Variants in FAT2 observed in about 807,000 individuals in gnomAD.
FAT2 encodes FAT atypical cadherin 2.
Under a neutral mutation model 295.3 loss-of-function variants are expected in FAT2, and 150 were observed. The ratio of observed to expected loss-of-function variants is 0.51; its 90% confidence interval spans 0.44 to 0.58. The LOEUF (loss-of-function observed/expected upper bound fraction) is 0.58. Ranked by LOEUF, FAT2 falls within the 20% of genes least tolerant of loss-of-function variation. FAT2 has a pLI of 0.00. For synonymous variants in FAT2, 2,026 were observed against 2,150.3 expected, an observed-to-expected ratio of 0.94 and a Z score of 1.60; for missense variants, 4,868 against 5,442.7, an observed-to-expected ratio of 0.89 and a Z score of 3.32.
chr5:151,541,274 G>A (rs2127603748), intron 10 of FAT2, among the ~76,000 whole-genome samples: 1 of 152,226 alleles, frequency 6.6e-6, no homozygotes, highest in Admixed American at 6.5e-5. Context: ...GTGGGAATAT[G>A]GATTTCTCAC....
In FAT2 at chr5:151,567,063, G is replaced by T. The variant is rs1157273153; in HGVS notation, c.1869C>A (p.Arg623=). 6.2e-7 allele frequency: 1 copy of T among 1,613,954 alleles called. No individual in the cohort carries two copies. Among genetic ancestry groups the T allele is most frequent in the African/African-American group, 1.3e-5 (1 of 74,916 alleles). ...GACCAGCAGTAAGATTGATAAAAGG[G>T]CGTTTGAGGGATATCACTCCGGAGA... is the stretch of plus-strand genomic sequence containing the variant. ...NHFSGVISLK[R]PFINLTAGQP... The change falls in exon 2 of 24, where the codon CGC becomes CGA. Residue 623 remains arginine, a synonymous_variant. Transcript: ENST00000261800.
intron 1 of FAT2, among the ~76,000 whole-genome samples, chr5:151,588,385 T>TC (rs1383140277): frequency 6.6e-6 from 1 of 152,154 alleles, no homozygotes; most frequent in African/African-American, 2.4e-5. Context: ...GGTCTGGTTT[T>TC]CCCCACTGCT....
intron 21 of FAT2, 193 bp downstream of exon 21, chr5:151,511,972 G>A (rs1761358177): frequency 8.4e-6 from 5 of 598,612 alleles, no homozygotes; most frequent in Non-Finnish European, 1.5e-5. Flanking sequence ...GATAGTTTTT[G>A]TTGAGAGGGA....
Position 151,560,543 on chromosome 5 carries a change from C to G in FAT2, c.3574+2782G>C, listed in dbSNP as rs12055366. Among the ~76,000 whole-genome samples the G allele has an allele frequency of 0.028, 4,302 of 152,274 alleles. 273 individuals are homozygous for G. In the East Asian group the frequency reaches 0.29, roughly 10 times the overall value. ...AAAATCCTCCCACCCTCCAGCTCAG[C>G]ATAACCACCCCTGTTCCATGAAGCC... On this transcript the variant is annotated intron_variant, in intron 3 of 23. Coordinates refer to ENST00000261800, the MANE Select transcript of FAT2 (RefSeq NM_001447.3).
intron 4 of FAT2, among the ~76,000 whole-genome samples, chr5:151,555,433 C>T (rs1009455830): frequency 1.7e-4 from 25 of 147,598 alleles, no homozygotes; most frequent in Admixed American, 1.2e-3. Context: ...TTCAGTGGCA[C>T]GATCTCAGCT....
At chr5:151,527,048 G>A (rs1457499094) in intron 17 of FAT2, among the ~76,000 whole-genome samples, 186 bp downstream of exon 17, 1 of 152,208 alleles carries the variant, frequency 6.6e-6, no homozygotes, top group African/African-American at 2.4e-5. Context: ...ATATGAAAGT[G>A]CCTAACACAG....
intron 19 of FAT2, among the ~76,000 whole-genome samples, chr5:151,519,382 C>T (rs1301489416): frequency 3.9e-5 from 6 of 152,136 alleles, no homozygotes; most frequent in African/African-American, 1.4e-4. Context: ...CCAAAATTCC[C>T]TGACACTGGC....
At chr5:151,537,020 A>G (rs1273878045) in intron 12 of FAT2, among the ~76,000 whole-genome samples, 1 of 152,164 alleles carries the variant, frequency 6.6e-6, no homozygotes, top group Non-Finnish European at 1.5e-5. Context: ...ACCCCTGGCT[A>G]ACACTTCTGT....
rs1278802569 is a variant in FAT2 at position 151,568,827 on chromosome 5, G to T, written c.105C>A (p.His35Gln). Residue 35 changes from histidine to glutamine, a missense_variant, in exon 2 of 24, where the codon CAC (histidine) becomes CAA (glutamine). This residue lies in a region of FAT2 where 3,297 missense variants were observed against 3,669.4 expected (regional missense o/e 0.90). Coordinates refer to ENST00000261800, the MANE Select transcript of FAT2 (RefSeq NM_001447.3). ...CATAGATGGTGGCATTGTAATGGGA[G>T]TGTGTGAAGTGCCAAGCAGAGGAGG... ...ILSSSAWHFT[H>Q]SHYNATIYEN... is the part of the protein sequence containing the mutation. The T allele has an allele frequency of 1.2e-6, 2 of 1,614,008 alleles. No homozygotes were observed. The highest frequency in any genetic ancestry group is 2.7e-5 in the African/African-American group (2 of 74,894).
chr5:151,550,032 G>A (rs1757035778), intron 8 of FAT2, among the ~76,000 whole-genome samples: 1 of 152,180 alleles, frequency 6.6e-6, no homozygotes, highest in East Asian at 1.9e-4. Flanking sequence ...TGACAGTGAG[G>A]AAGTCTGTCT....
At position 151,550,776 on chromosome 5, in the gene FAT2, C is replaced by T. The variant is rs576036822; in HGVS notation, c.4392G>A (p.Gly1464=). Residue 1464 remains glycine, a synonymous_variant, in exon 8 of 24, where the codon GGG becomes GGA. Transcript: ENST00000261800. ...TGGCCTGGACTCGCAGGAGCTCTAC[C>T]CCTGGCACGGTGTCCTGGGGAACTC... ...EVRVPQDTVP[G]VELLRVQAID... is the part of the protein sequence containing the mutation. 6.2e-7 allele frequency: 1 copy of T among 1,614,052 alleles called. No homozygotes were observed. Among genetic ancestry groups the T allele is most frequent in the East Asian group, 2.2e-5 (1 of 44,884 alleles).
upstream of FAT2, among the ~76,000 whole-genome samples, chr5:151,591,788 A>G (rs1399159469): frequency 6.6e-6 from 1 of 152,178 alleles, no homozygotes; most frequent in Non-Finnish European, 1.5e-5. Flanking sequence ...ACTTAGTCTG[A>G]GCCTCAGTTT....
rs1238096534 is a variant in FAT2, at chr5:151,567,611, A to G, written c.1321T>C (p.Ser441Pro). The change falls in exon 2 of 24, where the codon TCC becomes CCC. Residue 441 changes from serine to proline, a missense_variant. Physicochemically the swap from Ser to Pro is moderately conservative, Grantham distance 74. This residue lies in a region of FAT2 where 3,297 missense variants were observed against 3,669.4 expected (regional missense o/e 0.90). Transcript: ENST00000261800. ...ACAATGTCAATGACCACCACGGTGG[A>G]GGCCTGGCCCGGTGAGGTTCTGATG... ...LHIRTSPGQA[S>P]TVVVIDIVDC... 2.8e-5 allele frequency: 45 copies of G among 1,614,036 alleles called. No individual in the cohort carries two copies. Among genetic ancestry groups the G allele is most frequent in the Non-Finnish European group, 3.6e-5 (42 of 1,180,026 alleles).
At position 151,543,011 on chromosome 5, in the gene FAT2, C is replaced by G. The variant is rs536288129; in HGVS notation, c.8116G>C (p.Glu2706Gln). The G allele has an allele frequency of 2.7e-4, 436 of 1,614,252 alleles. 6 individuals are homozygous for G. The South Asian group carries it at 4.4e-3, about 16-fold the overall frequency. Residue 2706 changes from glutamate to glutamine, a missense_variant, in exon 10 of 24, where the codon GAG (glutamate) becomes CAG (glutamine). By Grantham distance (29) the Glu-to-Gln change is conservative. Around this residue, in one of 5 missense-constraint regions of FAT2, gnomAD observed 3,297 missense variants for 3,669.4 expected, o/e 0.90. Transcript: ENST00000261800. ...TTAACAATCCCAATTTCAGACCCCT[C>G]TGGAAGGTCTTCAGGTGCAGAGAAA... ...YTFSAPEDLP[E>Q]GSEIGIVKAV...
At position 151,507,549 on chromosome 5, in the gene FAT2, C is replaced by T; in HGVS notation, c.12122G>A (p.Arg4041Lys). Residue 4041 changes from arginine to lysine, a missense_variant, in exon 23 of 24, where the codon AGG becomes AAG. By Grantham distance (26) the Arg-to-Lys change is conservative. Transcript: ENST00000261800. ...GHCLVTPEIQ[R>K]GDWGQQELLI... is the part of the protein sequence containing the mutation. The stretch of plus-strand genomic sequence containing the variant: ...TAACTCCTGCTGCCCCCAGTCCCCC[C>T]TTTGGATCTCGGGAGTGACTAGGCA... 6.2e-7 allele frequency: 1 copy of T among 1,614,156 alleles called. No individual in the cohort carries two copies. Among genetic ancestry groups the T allele is most frequent in the Non-Finnish European group, 8.5e-7 (1 of 1,180,024 alleles).
intron 6 of FAT2, 53 bp downstream of exon 6, chr5:151,553,124 G>A (rs2127626351): frequency 2.6e-6 from 4 of 1,545,566 alleles, no homozygotes; most frequent in Admixed American, 1.7e-5. Flanking sequence ...ACTAGAGCTG[G>A]TGTATAAGGA....
chr5:151,542,540 G>C lies in FAT2; in HGVS notation c.8587C>G (p.Leu2863Val), dbSNP rs2127605585. Residue 2863 changes from leucine (L) to valine (V), a missense_variant, in exon 10 of 24, where the codon CTT becomes GTT. By Grantham distance (32) the Leu-to-Val change is conservative. Coordinates refer to ENST00000261800, the MANE Select transcript of FAT2 (RefSeq NM_001447.3). Reference sequence around the variant, plus strand: ...TAAGTCTGGCAGGTCTCACAGTCAAGTTCCTGGAGTGTGGTGATCCAACCA... The same window carrying C: ...TAAGTCTGGCAGGTCTCACAGTCAACTTCCTGGAGTGTGGTGATCCAACCA... ...ESGWITTLQELDCETCQTYHF... is the reference protein window; with the variant it reads ...ESGWITTLQEVDCETCQTYHF... 6.2e-7 allele frequency: 1 copy of C among 1,614,222 alleles called. No individual in the cohort carries two copies. The highest frequency in any genetic ancestry group is 8.5e-7 in the Non-Finnish European group (1 of 1,180,048).
Position 151,566,114 on chromosome 5 carries a change from G to A in FAT2, c.2818C>T (p.Pro940Ser), listed in dbSNP as rs1226849675. The change falls in exon 2 of 24, where the codon CCC becomes TCC. Residue 940 changes from proline to serine, a missense_variant. Physicochemically the swap from Pro to Ser is moderately conservative, Grantham distance 74. Transcript: ENST00000261800. The stretch of plus-strand genomic sequence containing the variant: ...TCCAGAAATGTCAAGACAGTCCCGG[G>A]GGGCAGGTCCTCTGGAACCTTCAGC... ...NRLKVPEDLP[P>S]GTVLTFLDAS... 1 of 1,614,180 alleles carries A rather than the reference G, an allele frequency of 6.2e-7. No individual in the cohort carries two copies. Among genetic ancestry groups the A allele is most frequent in the South Asian group, 1.1e-5 (1 of 91,070 alleles).
At chr5:151,510,371 C>G in intron 21 of FAT2, 197 bp from the exon 22 acceptor site, 1 of 566,586 alleles carries the variant, frequency 1.8e-6, no homozygotes, top group South Asian at 2.2e-5. Context: ...CCTCAAACAG[C>G]TTACAGCCCA....
Sources: allele counts gnomAD v4.1 joint callset (sites outside exome capture counted in the v4.1 genomes callset), GRCh38; gene constraint gnomAD v4.1.1; regional missense constraint gnomAD v4.1.1; transcripts MANE v1.5; gene names NCBI Gene and HGNC (gene_info 2026-07-23, HGNC 2026-07-21).